Variants in MMP28 observed in about 807,000 individuals in gnomAD.
MMP28 encodes the protein matrix metallopeptidase 28.
In MMP28, 55 loss-of-function variants were observed where a neutral mutation model predicts 60.5. That is an observed-to-expected ratio of 0.91 (90% confidence interval 0.73 to 1.14). The LOEUF (loss-of-function observed/expected upper bound fraction) is 1.14, where lower values mean the gene tolerates loss of function less well. Ranked by LOEUF, MMP28 falls within the 50% of genes most tolerant of loss-of-function variation. The probability of loss-of-function intolerance (pLI) is 0.00; values close to 1 mark genes in which losing one functional copy is unlikely to be tolerated. For synonymous variants in MMP28, 318 were observed against 312.5 expected (o/e 1.02, Z -0.18); for missense variants, 686 against 738.3 (o/e 0.93, Z 0.82).
At chr17:35,792,831 G>A (rs1167353632) in intron 1 of MMP28, among the ~76,000 whole-genome samples, 1 of 152,182 alleles carries the variant, frequency 6.6e-6, no homozygotes, top group Non-Finnish European at 1.5e-5. Flanking sequence ...CCTATGAGCT[G>A]TGTTAGGCAT....
chr17:35,769,947 C>G (rs1371399496), intron 5 of MMP28, 120 bp downstream of exon 5: 52 of 1,321,714 alleles, frequency 3.9e-5, no homozygotes, highest in African/African-American at 9.1e-5. Context: ...GAATCGGCGA[C>G]AGGGAGGCCA....
intron 1 of MMP28, among the ~76,000 whole-genome samples, chr17:35,782,022 C>T (rs2086518789): frequency 6.6e-6 from 1 of 151,544 alleles, no homozygotes; most frequent in Non-Finnish European, 1.5e-5. Flanking sequence ...GTGCTGCATG[C>T]CACCTTGCCT....
chr17:35,779,058 G>T lies in MMP28; in HGVS notation c.209C>A (p.Ser70Tyr), dbSNP rs1555608458. 6.2e-7 allele frequency: 1 copy of T among 1,614,010 alleles called. No individual in the cohort carries two copies. Among genetic ancestry groups the T allele is most frequent in the South Asian group, 1.1e-5 (1 of 91,074 alleles). ...CAACACGCCGCTGACAGGTAGCTGG[G>T]ACACCCACTGAAACGCTCTGTCAGG... is the stretch of plus-strand genomic sequence containing the variant. ...SDAIRAFQWV[S>Y]QLPVSGVLDR... Residue 70 changes from serine to tyrosine, a missense_variant, in exon 3 of 8, where the codon TCC (serine) becomes TAC (tyrosine). Transcript: ENST00000605424.
intron 3 of MMP28, 141 bp from the exon 4 acceptor site, chr17:35,773,545 C>T: frequency 1.4e-6 from 1 of 737,144 alleles, no homozygotes; most frequent in Non-Finnish European, 2.2e-6. Flanking sequence ...TTGCCCTGGG[C>T]AGCTCCCCCT....
Position 35,770,091 on chromosome 17 carries a change from C to A in MMP28, c.826G>T (p.Val276Leu). 3.1e-6 allele frequency: 5 copies of A among 1,594,126 alleles called. No homozygotes were observed. The highest frequency in any genetic ancestry group is 4.3e-6 in the Non-Finnish European group (5 of 1,171,154). The change falls in exon 5 of 8, where the codon GTG becomes TTG. Residue 276 changes from valine to leucine, a missense_variant. Physicochemically the swap from Val to Leu is conservative, Grantham distance 32. Transcript: ENST00000605424. ...CCATACAGGCTCTGCACGGCCAGCA[C>A]GTCGTCCCAGCTGAGCAGCGCGTCG... The part of the protein sequence containing the change: ...GRDALLSWDD[V>L]LAVQSLYGKP...
intron 4 of MMP28, among the ~76,000 whole-genome samples, chr17:35,771,570 T>G (rs1446476418): frequency 6.7e-6 from 1 of 149,770 alleles, no homozygotes; most frequent in Non-Finnish European, 1.5e-5. Flanking sequence ...TGAAAGTTCA[T>G]CAGGCTAAAC....
chr17:35,764,250 GGC>G (rs2085886976), downstream of MMP28: 2 of 1,540,610 alleles, frequency 1.3e-6, no homozygotes, highest in Non-Finnish European at 1.7e-6. Flanking sequence ...GCGCTGCTGC[GGC>G]GCGCGGACAG....
At chr17:35,793,656 C>T (rs529917459) in intron 1 of MMP28, among the ~76,000 whole-genome samples, 2 of 152,128 alleles carry the variant, frequency 1.3e-5, no homozygotes, top group East Asian at 3.8e-4. Flanking sequence ...CTTCATTCTG[C>T]AGTTTCCCCA....
chr17:35,776,868 G>C (rs1338034366), intron 3 of MMP28, among the ~76,000 whole-genome samples: 1 of 152,006 alleles, frequency 6.6e-6, no homozygotes, highest in Admixed American at 6.5e-5. Context: ...CAGCATGAGT[G>C]ACAGAGCAAG....
chr17:35,785,434 T>C (rs1326567188), intron 1 of MMP28, among the ~76,000 whole-genome samples: 1 of 152,142 alleles, frequency 6.6e-6, no homozygotes, highest in Non-Finnish European at 1.5e-5. Flanking sequence ...TCCTCTTCTA[T>C]AAAATTAGGA....
intron 1 of MMP28, among the ~76,000 whole-genome samples, chr17:35,788,053 G>C (rs1289986585): frequency 6.6e-6 from 1 of 151,832 alleles, no homozygotes; most frequent in Admixed American, 6.6e-5. Context: ...CTACAGGCAT[G>C]TGCCATCGTG....
At chr17:35,765,797 C>T, downstream of MMP28, 1 of 951,650 alleles carries the variant, frequency 1.1e-6, no homozygotes, top group Non-Finnish European at 1.3e-6. Context: ...ATGGCCCTGG[C>T]CTCCCCTGCA....
intron 4 of MMP28, among the ~76,000 whole-genome samples, chr17:35,770,957 T>C (rs2086115302): frequency 1.3e-5 from 2 of 151,840 alleles, no homozygotes; most frequent in African/African-American, 4.8e-5. Flanking sequence ...GAAGCTGAGG[T>C]GGGAGGCTCT....
At chr17:35,778,511 G>T in intron 3 of MMP28, 1 of 326,580 alleles carries the variant, frequency 3.1e-6, no homozygotes, top group Non-Finnish European at 5.7e-6. Flanking sequence ...TAAATCAATA[G>T]ATCACACATT....
At chr17:35,764,348 G>T (rs782097431), downstream of MMP28, 201 of 1,457,350 alleles carry the variant, frequency 1.4e-4, no homozygotes, top group Non-Finnish European at 4.8e-5. Flanking sequence ...TCCTCGACCG[G>T]GGCACGAGGG....
intron 1 of MMP28, among the ~76,000 whole-genome samples, chr17:35,790,954 T>G (rs1360717543): frequency 6.6e-6 from 1 of 150,866 alleles, no homozygotes; most frequent in Non-Finnish European, 1.5e-5. Flanking sequence ...GCTCTCAAAC[T>G]CCTCGGCTCA....
chr17:35,759,371 G>A (rs2143053236), intron 2 of MMP28, among the ~76,000 whole-genome samples: 1 of 152,284 alleles, frequency 6.6e-6, no homozygotes, highest in African/African-American at 2.4e-5. Flanking sequence ...TCCTTTCTGA[G>A]CAAACAGCAG....
intron 1 of MMP28, among the ~76,000 whole-genome samples, chr17:35,791,285 C>A (rs767836993): frequency 1.3e-5 from 2 of 151,770 alleles, no homozygotes; most frequent in South Asian, 2.1e-4. Flanking sequence ...AGCCTTAATC[C>A]CAGCACTTTG....
At chr17:35,769,698 G>A (rs1452747943) in intron 5 of MMP28, among the ~76,000 whole-genome samples, 1 of 151,572 alleles carries the variant, frequency 6.6e-6, no homozygotes, top group Admixed American at 6.6e-5. Context: ...CGGGATGGGG[G>A]AAGAGGTGGG....
Sources: allele counts gnomAD v4.1 joint callset (sites outside exome capture counted in the v4.1 genomes callset), GRCh38; gene constraint gnomAD v4.1.1; transcripts MANE v1.5; gene names NCBI Gene and HGNC (gene_info 2026-07-23, HGNC 2026-07-21).